Variants in ELP4 observed in about 807,000 individuals in gnomAD.
ELP4 encodes elongator complex protein 4.
ELP4 carries 51 observed loss-of-function variants against 48.9 expected under a neutral mutation model. The observed-to-expected ratio is 1.04, with a 90% CI of 0.83 to 1.32. ELP4 has a LOEUF of 1.32. ELP4 is among the 40% of genes most tolerant of loss of function. The pLI, the probability that ELP4 is intolerant of heterozygous loss-of-function variation, is 0.00. For missense variants in ELP4, 519 were observed against 514.6 expected (o/e 1.01, Z -0.08); for synonymous variants, 210 against 189.2 (o/e 1.11, Z -0.90).
intron 3 of ELP4, among the ~76,000 whole-genome samples, chr11:31,575,261 A>G (rs1957255333): frequency 6.6e-6 from 1 of 152,190 alleles, no homozygotes; most frequent in Admixed American, 6.5e-5. Flanking sequence ...AAAGAAATGA[A>G]CAAAGCCTCC....
At chr11:31,558,284 A>G (rs757051694) in intron 3 of ELP4, among the ~76,000 whole-genome samples, 4 of 152,142 alleles carry the variant, frequency 2.6e-5, no homozygotes, top group African/African-American at 9.7e-5. Context: ...CCAGTGACCT[A>G]CATTTCTAGC....
chr11:31,654,661 A>T (rs1266049352), intron 9 of ELP4: 3 of 151,872 alleles, frequency 2.0e-5, no homozygotes, highest in Admixed American at 1.3e-4. Context: ...CTTACCAATT[A>T]CAGGACAGGG....
chr11:31,688,741 C>T (rs1252662187), intron 9 of ELP4, among the ~76,000 whole-genome samples: 2 of 152,078 alleles, frequency 1.3e-5, no homozygotes, highest in African/African-American at 4.8e-5. Flanking sequence ...TAGTCACTGA[C>T]CTGTGAAGAG....
At chr11:31,712,479 A>G (rs573899861) in intron 9 of ELP4, among the ~76,000 whole-genome samples, 1 of 152,212 alleles carries the variant, frequency 6.6e-6, no homozygotes, top group Non-Finnish European at 1.5e-5. Flanking sequence ...CATCCCCCAA[A>G]ATGAAAACAA....
chr11:31,510,706 T>A (rs1955977255), intron 1 of ELP4: 1 of 242,380 alleles, frequency 4.1e-6, no homozygotes, highest in South Asian at 1.8e-4. Flanking sequence ...AACTCACATT[T>A]TAACGAGAAA....
intron 9 of ELP4, among the ~76,000 whole-genome samples, chr11:31,677,731 A>C (rs758932408): frequency 6.6e-6 from 1 of 152,196 alleles, no homozygotes; most frequent in Non-Finnish European, 1.5e-5. Flanking sequence ...TTACAGAAAA[A>C]TTGAAAAGAA....
In ELP4 at chr11:31,510,666, T is replaced by C. The variant is rs1204121083; in HGVS notation, c.223+659T>C. On this transcript the variant is annotated intron_variant, in intron 1 of 9. Transcript: ENST00000640961. ...CATTTTGCTTCCCAGTATTGATTGC[T>C]GCTACATTCCATACGACATCTTTAA... 5 of 317,554 alleles carry C rather than the reference T, an allele frequency of 1.6e-5. No homozygotes were observed. The Admixed American group carries it at 2.5e-4, about 16-fold the overall frequency. 19.7% of individuals were successfully genotyped at this position (317,554 alleles called of 1,614,324 possible).
At chr11:31,657,187 C>T (rs1258026862) in intron 9 of ELP4, among the ~76,000 whole-genome samples, 1 of 151,984 alleles carries the variant, frequency 6.6e-6, no homozygotes, top group Non-Finnish European at 1.5e-5. Context: ...TAAAACATTT[C>T]AAGTTTAGTC....
chr11:31,648,692 A>G (rs867045009), intron 8 of ELP4: 38 of 151,756 alleles, frequency 2.5e-4, no homozygotes, highest in African/African-American at 8.4e-4. Context: ...ACCAGATTTT[A>G]TAAGACAAGT....
chr11:31,565,881 G>T lies in ELP4; in HGVS notation c.381+26098G>T, dbSNP rs188937532. ...GCTCTTTTTTGGTTCCATATGAACT[G>T]TAAAGTAGTTTTTTCCAATTCTGTG... On this transcript the variant is annotated intron_variant, in intron 3 of 9. Coordinates refer to ENST00000640961, the MANE Select transcript of ELP4 (RefSeq NM_019040.5). Among the ~76,000 whole-genome samples, 1,096 of 152,236 alleles carry T rather than the reference G, an allele frequency of 7.2e-3. 34 individuals carry two copies. Among genetic ancestry groups the T allele is most frequent in the Admixed American group, 0.062 (945 of 15,274 alleles).
In ELP4 at chr11:31,627,308, GT is replaced by G. The variant is rs1356019405; in HGVS notation, c.738+118del. 16 of 614,894 alleles carry G rather than the reference GT, an allele frequency of 2.6e-5. No individual in the cohort carries two copies. The African/African-American group carries it at 3.0e-4, about 12-fold the overall frequency. The allele number at this position is 614,894 out of a possible 1,614,324, so 38.1% of individuals were successfully genotyped here. A position where few individuals can be genotyped will look rare whatever the true frequency, so the allele number is the denominator to read the frequency against. ...TAGAATAATAAACAGTGAACAAGCTGTTTTCAAGCACAGAACATGTACATAA... is the reference window on the plus strand; with the variant it reads ...TAGAATAATAAACAGTGAACAAGCTGTTTCAAGCACAGAACATGTACATAA... On this transcript the variant is annotated intron_variant, in intron 6 of 9. Transcript: ENST00000640961.
chr11:31,544,393 G>T (rs1322140601), intron 3 of ELP4, among the ~76,000 whole-genome samples: 3 of 152,202 alleles, frequency 2.0e-5, no homozygotes, highest in African/African-American at 7.2e-5. Context: ...GAGTCTCCCT[G>T]ATTGCTAGCA....
chr11:31,533,368 C>CTTTTTTTTTTTTTTTTTTTTTTTTTT lies in ELP4; in HGVS notation c.260-6292_260-6267dup, dbSNP rs71060492. On this transcript the variant is annotated intron_variant, in intron 2 of 9. Coordinates refer to ENST00000640961, the MANE Select transcript of ELP4 (RefSeq NM_019040.5). ...GTGTTGCTGCAAAAGCCATCTCATTCTTTTTTTTTTTTTTTTTTTTTTTTT... is the reference window on the plus strand; with the variant it reads ...GTGTTGCTGCAAAAGCCATCTCATTCTTTTTTTTTTTTTTTTTTTTTTTTTTTTTTTTTTTTTTTTTTTTTTTTTTT... Among the ~76,000 whole-genome samples, 22 of 50,478 alleles carry CTTTTTTTTTTTTTTTTTTTTTTTTTT rather than the reference C, an allele frequency of 4.4e-4. 6 individuals are homozygous for CTTTTTTTTTTTTTTTTTTTTTTTTTT. The highest frequency in any genetic ancestry group is 1.0e-3 in the Admixed American group (3 of 2,976). The allele number at this position is 50,478 out of a possible 152,430, so 33.1% of individuals were successfully genotyped here. A position where few individuals can be genotyped will look rare whatever the true frequency, so the allele number is the denominator to read the frequency against.
Position 31,786,928 on chromosome 11 carries a change from T to C in ELP4, c.*3404T>C, listed in dbSNP as rs1948679622. The C allele has an allele frequency of 4.5e-6, 1 of 220,610 alleles. No individual in the cohort carries two copies. The highest frequency in any genetic ancestry group is 9.1e-6 in the Non-Finnish European group (1 of 110,120). The allele number at this position is 220,610 out of a possible 1,614,324, so 13.7% of individuals were successfully genotyped here. On this transcript the variant is annotated 3_prime_UTR_variant, in exon 10 of 10. Transcript: ENST00000640961. ...TAGACGTTTAGTCCTGGGATTCTAC[T>C]GAAGTCTTCACAAATAATCTCCATC...
chr11:31,605,032 ATTGAT>A (rs1957848870), intron 5 of ELP4, among the ~76,000 whole-genome samples: 1 of 152,020 alleles, frequency 6.6e-6, no homozygotes, highest in Non-Finnish European at 1.5e-5. Flanking sequence ...AATTCACAGA[ATTGAT>A]TTATCTGAGT....
chr11:31,619,338 G>C (rs773877324), intron 5 of ELP4, among the ~76,000 whole-genome samples: 8 of 151,886 alleles, frequency 5.3e-5, no homozygotes, highest in Non-Finnish European at 8.8e-5. Flanking sequence ...TATATATTTG[G>C]CTACACGTGC....
intron 9 of ELP4, among the ~76,000 whole-genome samples, chr11:31,705,621 G>A (rs554178097): frequency 2.0e-5 from 3 of 152,222 alleles, no homozygotes; most frequent in South Asian, 2.1e-4. Flanking sequence ...CTCTGCAACT[G>A]TAGTTATTAC....
chr11:31,536,319 T>C (rs775269642), intron 2 of ELP4, among the ~76,000 whole-genome samples: 12 of 152,144 alleles, frequency 7.9e-5, no homozygotes, highest in Non-Finnish European at 1.3e-4. Context: ...TTTGTTTAAC[T>C]TTTTTGGAAA....
At chr11:31,738,138 G>C (rs1161884812) in intron 9 of ELP4, among the ~76,000 whole-genome samples, 1 of 147,074 alleles carries the variant, frequency 6.8e-6, no homozygotes, top group Non-Finnish European at 1.5e-5. Context: ...GCTCAAGCCT[G>C]TAATTCCAGC....
Sources: allele counts gnomAD v4.1 joint callset (sites outside exome capture counted in the v4.1 genomes callset), GRCh38; gene constraint gnomAD v4.1.1; transcripts MANE v1.5; gene names NCBI Gene and HGNC (gene_info 2026-07-23, HGNC 2026-07-21).